CTNND2: variants seen among roughly 807,000 people sequenced by gnomAD.
The protein encoded by CTNND2 is catenin delta 2, also known as catenin delta-2.
Under a neutral mutation model 144.4 loss-of-function variants are expected in CTNND2, and 22 were observed. The ratio of observed to expected loss-of-function variants is 0.15; its 90% CI spans 0.11 to 0.22. The LOEUF is 0.22. Ranked by LOEUF, CTNND2 falls within the 10% of genes least tolerant of loss-of-function variation. The probability of loss-of-function intolerance (pLI) is 1.00; values close to 1 mark genes in which losing one functional copy is unlikely to be tolerated. For synonymous variants in CTNND2, 751 were observed against 695.6 expected, an observed-to-expected ratio of 1.08 and a Z score of -1.25; for missense variants, 1,353 against 1,618.8, an observed-to-expected ratio of 0.84 and a Z score of 2.82.
At chr5:11,723,633 C>T (rs751996287) in intron 2 of CTNND2, among the ~76,000 whole-genome samples, 1 of 152,166 alleles carries the variant, frequency 6.6e-6, no homozygotes, top group Non-Finnish European at 1.5e-5. Flanking sequence ...CTAAGTCATA[C>T]TCTCAATACA....
At chr5:11,681,273 C>T (rs1471029982) in intron 2 of CTNND2, among the ~76,000 whole-genome samples, 1 of 152,094 alleles carries the variant, frequency 6.6e-6, no homozygotes, top group Non-Finnish European at 1.5e-5. Flanking sequence ...GAAGAGAGCC[C>T]AGAGATAAAT....
At position 11,454,284 on chromosome 5, in the gene CTNND2, G is replaced by A. The variant is rs1169018828; in HGVS notation, c.288-42215C>T. ...AAAATATAAAATTTAGCTGGGCGTG[G>A]TGGTGTGTGCCTGTAGTCCCAGCTA... is the stretch of plus-strand genomic sequence containing the variant. On this transcript the variant is annotated intron_variant, in intron 3 of 21. Coordinates refer to ENST00000304623, the MANE Select transcript of CTNND2 (RefSeq NM_001332.4). Among the ~76,000 whole-genome samples the A allele has an allele frequency of 7.9e-5, 12 of 152,248 alleles. No homozygotes were observed. In the East Asian group the frequency reaches 2.3e-3, roughly 29 times the overall value.
intron 2 of CTNND2, among the ~76,000 whole-genome samples, chr5:11,680,108 C>T (rs1470534804): frequency 6.6e-6 from 1 of 152,054 alleles, no homozygotes; most frequent in East Asian, 1.9e-4. Flanking sequence ...ACGTTCCAGA[C>T]AAATGGGGCA....
At chr5:11,592,723 C>G (rs1779316167) in intron 2 of CTNND2, among the ~76,000 whole-genome samples, 1 of 151,338 alleles carries the variant, frequency 6.6e-6, no homozygotes, top group African/African-American at 2.4e-5. Flanking sequence ...CCTCAGCATG[C>G]TTTTCTGGGG....
intron 3 of CTNND2, among the ~76,000 whole-genome samples, chr5:11,444,640 T>C (rs538338134): frequency 5.3e-5 from 8 of 152,240 alleles, no homozygotes; most frequent in African/African-American, 1.4e-4. Context: ...AGGCAGAGGT[T>C]GCAGTGAGCT....
intron 2 of CTNND2, among the ~76,000 whole-genome samples, chr5:11,661,897 A>G (rs1257707044): frequency 3.3e-5 from 5 of 151,920 alleles, no homozygotes; most frequent in South Asian, 2.1e-4. Context: ...ATTACCGTTC[A>G]AACTCTGCCT....
intron 15 of CTNND2, among the ~76,000 whole-genome samples, chr5:11,083,610 T>C (rs1399345074): frequency 6.6e-6 from 1 of 152,250 alleles, no homozygotes; most frequent in East Asian, 1.9e-4. Flanking sequence ...CTTAACAGAA[T>C]GCAGGCCCAC....
intron 5 of CTNND2, among the ~76,000 whole-genome samples, chr5:11,410,223 A>G (rs1364872760): frequency 2.0e-5 from 3 of 152,184 alleles, no homozygotes; most frequent in Non-Finnish European, 4.4e-5. Context: ...AATACAAAAT[A>G]CAGAGAACAA....
chr5:11,398,994 C>T (rs1279707451), intron 5 of CTNND2, among the ~76,000 whole-genome samples: 2 of 152,112 alleles, frequency 1.3e-5, no homozygotes, highest in African/African-American at 2.4e-5. Context: ...AACCATAAAG[C>T]GGAGGAGAAG....
At chr5:11,487,133 G>A (rs1367259532) in intron 3 of CTNND2, among the ~76,000 whole-genome samples, 1 of 152,082 alleles carries the variant, frequency 6.6e-6, no homozygotes, top group Non-Finnish European at 1.5e-5. Context: ...ACACTGACTA[G>A]AAGATATAAA....
At chr5:11,141,568 T>G (rs1393380521) in intron 12 of CTNND2, among the ~76,000 whole-genome samples, 1 of 152,116 alleles carries the variant, frequency 6.6e-6, no homozygotes, top group Non-Finnish European at 1.5e-5. Context: ...AACGGTTAAG[T>G]TTGGATATGC....
intron 1 of CTNND2, among the ~76,000 whole-genome samples, chr5:11,815,667 A>G (rs1157277196): frequency 6.6e-6 from 1 of 152,152 alleles, no homozygotes; most frequent in Non-Finnish European, 1.5e-5. Flanking sequence ...TTCAAGTACC[A>G]GCGCTTGTGC....
intron 8 of CTNND2, among the ~76,000 whole-genome samples, chr5:11,363,633 TC>T (rs1356444975): frequency 6.6e-6 from 1 of 152,186 alleles, no homozygotes; most frequent in African/African-American, 2.4e-5. Context: ...TGTGCCTTTC[TC>T]CCTATGATTC....
At chr5:11,335,580 T>C (rs987416413) in intron 9 of CTNND2, among the ~76,000 whole-genome samples, 14 of 152,142 alleles carry the variant, frequency 9.2e-5, no homozygotes, top group Non-Finnish European at 1.3e-4. Flanking sequence ...ACGTTTCCCA[T>C]AGTAGTACAC....
chr5:11,351,811 C>T (rs980272607), intron 8 of CTNND2, among the ~76,000 whole-genome samples: 2 of 152,230 alleles, frequency 1.3e-5, no homozygotes, highest in South Asian at 2.1e-4. Flanking sequence ...AGCACATTTA[C>T]ATGTTATGTA....
At chr5:11,639,873 C>T (rs1382977931) in intron 2 of CTNND2, among the ~76,000 whole-genome samples, 1 of 152,172 alleles carries the variant, frequency 6.6e-6, no homozygotes, top group Non-Finnish European at 1.5e-5. Flanking sequence ...ATGCATGTTG[C>T]TTCAATGAAA....
At chr5:11,847,774 T>TA (rs200569908) in intron 1 of CTNND2, among the ~76,000 whole-genome samples, 1 of 152,066 alleles carries the variant, frequency 6.6e-6, no homozygotes, top group Admixed American at 6.6e-5. Flanking sequence ...TTATAAATTT[T>TA]AAAAAACTAA....
At chr5:11,439,740 A>ATATC (rs57368706) in intron 3 of CTNND2, among the ~76,000 whole-genome samples, 10,922 of 146,084 alleles carry the variant, frequency 0.075, 399 homozygotes, top group Non-Finnish European at 0.084. Flanking sequence ...TCTGCTAGCT[A>ATATC]TATCTATCTA....
At position 11,361,393 on chromosome 5, in the gene CTNND2, C is replaced by T. The variant is rs759551841; in HGVS notation, c.1372+3303G>A. 7.2e-5 allele frequency among the ~76,000 whole-genome samples: 11 copies of T among 152,160 alleles called. No individual in the cohort carries two copies. In the East Asian group the frequency reaches 7.7e-4, roughly 11 times the overall value. ...CTGGTCTTGAATTCCTGGGCTCAAG[C>T]GATTCTCTCATCTAGGCCTCCCAAA... On this transcript the variant is annotated intron_variant, in intron 8 of 21. Transcript: ENST00000304623.
Sources: allele counts gnomAD v4.1 joint callset (sites outside exome capture counted in the v4.1 genomes callset), GRCh38; gene constraint gnomAD v4.1.1; transcripts MANE v1.5; gene names NCBI Gene and HGNC (gene_info 2026-07-23, HGNC 2026-07-21).